XPNPEP1: variants seen among roughly 807,000 people sequenced by gnomAD.
XPNPEP1 encodes X-prolyl aminopeptidase 1.
Under a neutral mutation model 92.4 loss-of-function variants are expected in XPNPEP1, and 39 were observed. The observed-to-expected ratio is 0.42, with a 90% CI of 0.33 to 0.55. The LOEUF is 0.55. XPNPEP1 is among the 20% of genes least tolerant of loss of function. The pLI, the probability that XPNPEP1 is intolerant of heterozygous loss-of-function variation, is 0.08. For missense variants in XPNPEP1, 654 were observed against 856.1 expected, an observed-to-expected ratio of 0.76 and a Z score of 2.95; for synonymous variants, 307 against 299.4, an observed-to-expected ratio of 1.03 and a Z score of -0.26.
In XPNPEP1 at chr10:109,869,790, T is replaced by G. The variant is rs533023812; in HGVS notation, c.1773+163A>C. ...AGAAGGCTCCATGTTGGCCCCAGAA[T>G]GGCATACTCTTGGCTCCAAAGACAT... On this transcript the variant is annotated intron_variant, in intron 19 of 20. Transcript: ENST00000502935. The G allele has an allele frequency of 9.2e-4, 573 of 624,100 alleles. 1 individual carries two copies. The highest frequency in any genetic ancestry group is 1.2e-4 in the Non-Finnish European group (44 of 366,482). The allele number at this position is 624,100 out of a possible 1,614,324, so 38.7% of individuals were successfully genotyped here.
At chr10:109,894,914 G>A (rs548757578) in intron 3 of XPNPEP1, among the ~76,000 whole-genome samples, 5 of 152,322 alleles carry the variant, frequency 3.3e-5, no homozygotes, top group East Asian at 3.9e-4. Flanking sequence ...TTTATTAACC[G>A]AGTAATTACT....
At chr10:109,905,837 T>C (rs1421280596) in intron 3 of XPNPEP1, among the ~76,000 whole-genome samples, 1 of 152,174 alleles carries the variant, frequency 6.6e-6, no homozygotes, top group Non-Finnish European at 1.5e-5. Context: ...CACACACAGT[T>C]TGGGGAACAC....
chr10:109,908,125 A>G (rs1469585742), intron 2 of XPNPEP1, among the ~76,000 whole-genome samples: 1 of 152,220 alleles, frequency 6.6e-6, no homozygotes, highest in East Asian at 1.9e-4. Context: ...GTACACAGAA[A>G]TTTAGGTGTT....
intron 1 of XPNPEP1, among the ~76,000 whole-genome samples, chr10:109,920,957 T>C (rs182838430): frequency 2.5e-4 from 38 of 152,268 alleles, no homozygotes; most frequent in African/African-American, 7.7e-4. Context: ...AGAAACTAGG[T>C]CTGACAGGTG....
At chr10:109,882,804 A>G (rs1848179931) in intron 9 of XPNPEP1, among the ~76,000 whole-genome samples, 162 bp from the exon 10 acceptor site, 1 of 152,030 alleles carries the variant, frequency 6.6e-6, no homozygotes, top group Admixed American at 6.5e-5. Context: ...TCCAAGGTGC[A>G]TTCCCTGCCC....
intron 2 of XPNPEP1, among the ~76,000 whole-genome samples, chr10:109,909,233 T>C (rs979473967): frequency 6.6e-6 from 1 of 151,160 alleles, no homozygotes; most frequent in African/African-American, 2.4e-5. Context: ...ATTGCACCAC[T>C]ACACTCCAGC....
chr10:109,899,947 A>G (rs762680947), intron 3 of XPNPEP1, among the ~76,000 whole-genome samples: 7 of 152,238 alleles, frequency 4.6e-5, no homozygotes, highest in Non-Finnish European at 1.0e-4. Context: ...ATGGTACATG[A>G]AAGTATCCAG....
intron 5 of XPNPEP1, among the ~76,000 whole-genome samples, chr10:109,890,612 GAGA>G (rs1192456814): frequency 2.6e-5 from 4 of 151,706 alleles, no homozygotes; most frequent in African/African-American, 9.7e-5. Context: ...GAGAGAGAGA[GAGA>G]GAGAGAGAGA....
At chr10:109,910,635 C>T (rs1231622115) in intron 2 of XPNPEP1, among the ~76,000 whole-genome samples, 1 of 151,830 alleles carries the variant, frequency 6.6e-6, no homozygotes, top group East Asian at 1.9e-4. Flanking sequence ...GAATAATACT[C>T]CATTGTCTGG....
intron 6 of XPNPEP1, 65 bp downstream of exon 6, chr10:109,888,438 G>A (rs561894936): frequency 6.8e-7 from 1 of 1,476,274 alleles, no homozygotes; most frequent in East Asian, 2.3e-5. Flanking sequence ...AAGCAAATGA[G>A]GAGAATGGAG....
intron 2 of XPNPEP1, among the ~76,000 whole-genome samples, chr10:109,910,365 A>G (rs1373128491): frequency 6.6e-6 from 1 of 152,060 alleles, no homozygotes; most frequent in African/African-American, 2.4e-5. Context: ...ACCAACATAG[A>G]GAAACCCCAT....
chr10:109,902,382 T>C, intron 3 of XPNPEP1, among the ~76,000 whole-genome samples: 1 of 152,256 alleles, frequency 6.6e-6, no homozygotes, highest in Non-Finnish European at 1.5e-5. Flanking sequence ...CCAGAAAGTT[T>C]AATTGACACT....
Position 109,907,822 on chromosome 10 carries a change from C to T in XPNPEP1, c.122-7G>A, listed in dbSNP as rs1213856306. 6.2e-7 allele frequency: 1 copy of T among 1,613,896 alleles called. No individual in the cohort carries two copies. The highest frequency in any genetic ancestry group is 2.2e-5 in the East Asian group (1 of 44,884). ...TTTGGAGGCATTCTGCCGTCTGCAA[C>T]AACAGGAGAGCAAATTTCAAAACCA... On this transcript the variant is annotated splice_polypyrimidine_tract_variant and splice_region_variant and intron_variant, in intron 2 of 20. Transcript: ENST00000502935.
Position 109,870,222 on chromosome 10 carries a change from G to A in XPNPEP1, c.1697-193C>T, listed in dbSNP as rs116399641. ...CCACTTTTTTATAGGCACTTGAGGTGCAGAAAGCTAGACTCTGAAGTCCCT... is the reference window on the plus strand; with the variant it reads ...CCACTTTTTTATAGGCACTTGAGGTACAGAAAGCTAGACTCTGAAGTCCCT... On this transcript the variant is annotated intron_variant, in intron 18 of 20. Transcript: ENST00000502935. 6.3e-3 allele frequency among the ~76,000 whole-genome samples: 962 copies of A among 152,318 alleles called. 13 individuals are homozygous for A. The highest frequency in any genetic ancestry group is 0.022 in the African/African-American group (926 of 41,558).
intron 3 of XPNPEP1, chr10:109,893,543 G>A (rs1477370054): frequency 1.3e-5 from 2 of 156,970 alleles, no homozygotes; most frequent in Non-Finnish European, 2.8e-5. Context: ...CCTCCTCTGA[G>A]GTAGCATCAC....
Position 109,893,144 on chromosome 10 carries a change from C to T in XPNPEP1, c.247-69G>A, listed in dbSNP as rs150631618. 2.5e-4 allele frequency: 363 copies of T among 1,465,124 alleles called. 2 individuals are homozygous for T. The African/African-American group carries it at 4.7e-3, about 19-fold the overall frequency. 90.8% of individuals were successfully genotyped at this position (1,465,124 alleles called of 1,614,324 possible). On this transcript the variant is annotated intron_variant, in intron 3 of 20. Coordinates refer to ENST00000502935, the MANE Select transcript of XPNPEP1 (RefSeq NM_020383.4). ...GAGCAGACTGTTCTGCCTGCTTAGC[C>T]TTGTGCTAGGCTCAGCGGGGACTAT... is the stretch of plus-strand genomic sequence containing the variant.
chr10:109,923,328 A>C, intron 1 of XPNPEP1, 74 bp downstream of exon 1: 1 of 1,356,976 alleles, frequency 7.4e-7, no homozygotes, highest in Non-Finnish European at 9.5e-7. Flanking sequence ...CTGCCCGCCG[A>C]GGTGCAACAC....
chr10:109,914,252 A>G (rs1045699326), intron 2 of XPNPEP1, among the ~76,000 whole-genome samples: 1 of 152,228 alleles, frequency 6.6e-6, no homozygotes, highest in South Asian at 2.1e-4. Context: ...TATTTCCCAA[A>G]AAGACTTTCC....
At chr10:109,914,214 G>A (rs1850044117) in intron 2 of XPNPEP1, among the ~76,000 whole-genome samples, 1 of 152,130 alleles carries the variant, frequency 6.6e-6, no homozygotes, top group East Asian at 1.9e-4. Flanking sequence ...CAATTAACCA[G>A]TTCTGGGGAG....
Sources: gnomAD v4.1 joint callset for allele counts (sites outside exome capture counted in the v4.1 genomes callset) on GRCh38, gnomAD v4.1.1 for gene constraint, MANE v1.5 for transcripts, NCBI Gene and HGNC (gene_info 2026-07-23, HGNC 2026-07-21) for gene names.